The following CTNNA3 variants were observed in gnomAD, a reference collection of about 807,000 sequenced individuals.
The protein encoded by CTNNA3 is catenin alpha-3.
A neutral mutation model predicts 95.7 loss-of-function variants in CTNNA3; 76 were observed. The ratio of observed to expected loss-of-function variants is 0.79; its 90% CI spans 0.66 to 0.96. CTNNA3 has a LOEUF of 0.96. Among genes scored for constraint, CTNNA3 ranks in the 40% least tolerant of loss-of-function variants. The pLI, the probability that CTNNA3 is intolerant of heterozygous loss-of-function variation, is 0.00. For missense variants in CTNNA3, 1,191 were observed against 1,089.8 expected (o/e 1.09, Z -1.31); for synonymous variants, 431 against 374.4 (o/e 1.15, Z -1.74).
chr10:67,044,042 C>G (rs1854574337), intron 7 of CTNNA3, among the ~76,000 whole-genome samples: 1 of 151,880 alleles, frequency 6.6e-6, no homozygotes, highest in Admixed American at 6.6e-5. Context: ...GATCCCATCA[C>G]CCAGGTAGTA....
At chr10:66,904,889 G>C (rs1333425763) in intron 7 of CTNNA3, among the ~76,000 whole-genome samples, 1 of 152,198 alleles carries the variant, frequency 6.6e-6, no homozygotes, top group Non-Finnish European at 1.5e-5. Flanking sequence ...TGGAGAGGAT[G>C]TGGAGAAATA....
intron 5 of CTNNA3, among the ~76,000 whole-genome samples, chr10:67,224,985 T>A (rs1290470452): frequency 3.9e-5 from 6 of 152,160 alleles, no homozygotes; most frequent in African/African-American, 1.4e-4. Context: ...GGGCAAGTTC[T>A]CAAGCCCAGC....
intron 1 of CTNNA3, among the ~76,000 whole-genome samples, chr10:67,741,024 T>C (rs1035522085): frequency 3.3e-5 from 5 of 150,854 alleles, no homozygotes; most frequent in South Asian, 4.3e-4. Flanking sequence ...ATGGATGAAA[T>C]TGGAAATCAT....
intron 13 of CTNNA3, among the ~76,000 whole-genome samples, chr10:66,262,168 G>A (rs947263683): frequency 1.4e-4 from 22 of 152,020 alleles, no homozygotes; most frequent in Non-Finnish European, 2.9e-5. Flanking sequence ...TTAGCTACGT[G>A]GATATAGGTA....
chr10:67,287,971 A>G (rs899811103), intron 5 of CTNNA3, among the ~76,000 whole-genome samples: 15 of 152,198 alleles, frequency 9.9e-5, no homozygotes, highest in Admixed American at 2.0e-4. Context: ...TCTCTAATTG[A>G]CACTGTTCAT....
intron 5 of CTNNA3, among the ~76,000 whole-genome samples, chr10:67,389,460 T>C (rs1287936991): frequency 1.3e-5 from 2 of 151,994 alleles, no homozygotes; most frequent in Admixed American, 6.5e-5. Context: ...ACATTAAAAA[T>C]GGGAGACTTT....
In CTNNA3 at chr10:67,020,426, T is replaced by G. The variant is rs568413796; in HGVS notation, c.1047+159891A>C. On this transcript the variant is annotated intron_variant, in intron 7 of 17. Coordinates refer to ENST00000433211, the MANE Select transcript of CTNNA3 (RefSeq NM_013266.4). Reference sequence around the variant, plus strand: ...TTATGAATGGATGGCAGCAGGGATATTGTAACTTATCTCAATTGTAAGTTA... The same window carrying G: ...TTATGAATGGATGGCAGCAGGGATAGTGTAACTTATCTCAATTGTAAGTTA... Among the ~76,000 whole-genome samples the G allele has an allele frequency of 1.3e-3, 200 of 152,314 alleles. 1 individual carries two copies. The highest frequency in any genetic ancestry group is 4.7e-3 in the African/African-American group (196 of 41,580).
intron 15 of CTNNA3, among the ~76,000 whole-genome samples, chr10:66,053,105 A>G (rs2079997371): frequency 6.6e-6 from 1 of 152,146 alleles, no homozygotes; most frequent in Non-Finnish European, 1.5e-5. Flanking sequence ...CCATTGAACT[A>G]TCTTACTGTG....
intron 7 of CTNNA3, among the ~76,000 whole-genome samples, chr10:66,776,840 A>T (rs955289358): frequency 1.3e-5 from 2 of 152,118 alleles, no homozygotes; most frequent in Non-Finnish European, 2.9e-5. Flanking sequence ...CATCCCCCTT[A>T]TGATACTGTT....
chr10:66,094,975 C>A (rs541089434), intron 14 of CTNNA3, among the ~76,000 whole-genome samples: 1 of 152,010 alleles, frequency 6.6e-6, no homozygotes, highest in African/African-American at 2.4e-5. Flanking sequence ...TACAGAGGTG[C>A]CTTAAGGAAT....
At chr10:66,898,875 G>A (rs2394312) in intron 7 of CTNNA3, among the ~76,000 whole-genome samples, 134,237 of 152,234 alleles carry the variant, frequency 0.88, 59,407 homozygotes, top group East Asian at 0.99. Context: ...GACTACATCA[G>A]GCTTAAAAGC....
chr10:67,293,167 T>C (rs1331759164), intron 5 of CTNNA3, among the ~76,000 whole-genome samples: 1 of 152,128 alleles, frequency 6.6e-6, no homozygotes, highest in East Asian at 1.9e-4. Context: ...CTTGATCAAG[T>C]AGACTTTCTT....
chr10:65,956,955 G>A (rs575396820), intron 17 of CTNNA3, among the ~76,000 whole-genome samples: 2 of 152,134 alleles, frequency 1.3e-5, no homozygotes, highest in East Asian at 3.9e-4. Flanking sequence ...TTAACTTTCT[G>A]TCCCGTTGAT....
At chr10:67,103,722 C>T (rs936089508) in intron 7 of CTNNA3, among the ~76,000 whole-genome samples, 8 of 151,592 alleles carry the variant, frequency 5.3e-5, no homozygotes, top group Non-Finnish European at 1.0e-4. Context: ...TTATAATCAA[C>T]ATAATGAGGC....
intron 11 of CTNNA3, among the ~76,000 whole-genome samples, chr10:66,397,744 A>G (rs16922955): frequency 0.16 from 24,641 of 151,786 alleles, 2,732 homozygotes; most frequent in East Asian, 0.45. Flanking sequence ...ATGCTAGACC[A>G]TTTATTTTTC....
At chr10:67,404,990 T>G (rs941740403) in intron 5 of CTNNA3, among the ~76,000 whole-genome samples, 1 of 152,134 alleles carries the variant, frequency 6.6e-6, no homozygotes, top group Non-Finnish European at 1.5e-5. Flanking sequence ...AATAAGATCC[T>G]TTTCAGACAA....
intron 15 of CTNNA3, among the ~76,000 whole-genome samples, chr10:66,065,757 A>G (rs933035188): frequency 6.6e-6 from 1 of 152,048 alleles, no homozygotes; most frequent in Non-Finnish European, 1.5e-5. Flanking sequence ...CTAGCTCTAA[A>G]TCCTGTCTAT....
chr10:66,549,693 G>A (rs1268028222), intron 10 of CTNNA3, among the ~76,000 whole-genome samples: 2 of 152,062 alleles, frequency 1.3e-5, no homozygotes, highest in Admixed American at 6.5e-5. Context: ...ATGTCATTCA[G>A]TTTGAAACAT....
rs1343988724 is a variant in CTNNA3, at chr10:66,610,311, C to G, written c.1374+11381G>C. 2.6e-5 allele frequency among the ~76,000 whole-genome samples: 4 copies of G among 152,016 alleles called. No individual in the cohort carries two copies. The East Asian group carries it at 7.7e-4, about 29-fold the overall frequency. Reference sequence around the variant, plus strand: ...ATGAGCTTACCCTATGTAACAAACCCGCACATGTACCCCTGAACTTAAAAG... The same window carrying G: ...ATGAGCTTACCCTATGTAACAAACCGGCACATGTACCCCTGAACTTAAAAG... On this transcript the variant is annotated intron_variant, in intron 10 of 17. Transcript: ENST00000433211.
Sources: gnomAD v4.1 joint callset for allele counts (sites outside exome capture counted in the v4.1 genomes callset) on GRCh38, gnomAD v4.1.1 for gene constraint, MANE v1.5 for transcripts, NCBI Gene and HGNC (gene_info 2026-07-23, HGNC 2026-07-21) for gene names.